The following SEMA3C variants were observed in gnomAD, a reference collection of about 807,000 sequenced individuals.
SEMA3C encodes semaphorin 3C.
SEMA3C carries 47 observed loss-of-function variants against 89.4 expected under a neutral mutation model. The observed-to-expected ratio is 0.53, with a 90% CI of 0.42 to 0.67. The LOEUF is 0.67. Among genes scored for constraint, SEMA3C ranks in the 30% least tolerant of loss-of-function variants. The pLI, the probability that SEMA3C is intolerant of heterozygous loss-of-function variation, is 0.00. For missense variants in SEMA3C, 839 were observed against 929.1 expected (o/e 0.90, Z 1.26); for synonymous variants, 310 against 320.2 (o/e 0.97, Z 0.34).
intron 11 of SEMA3C, 76 bp from the exon 12 acceptor site, chr7:80,789,604 T>C: frequency 1.9e-6 from 2 of 1,048,254 alleles, no homozygotes; most frequent in Non-Finnish European, 2.7e-6. Flanking sequence ...ACTCTCTACT[T>C]TTGAAATCAC....
chr7:80,768,876 G>T (rs750303696), intron 12 of SEMA3C, among the ~76,000 whole-genome samples: 127 of 152,248 alleles, frequency 8.3e-4, no homozygotes, highest in Non-Finnish European at 1.4e-3. Flanking sequence ...TTGTAGGCAT[G>T]AAGGAGAGAA....
At chr7:80,800,013 C>T (rs1332348452) in intron 10 of SEMA3C, among the ~76,000 whole-genome samples, 5 of 150,744 alleles carry the variant, frequency 3.3e-5, no homozygotes, top group Non-Finnish European at 7.4e-5. Context: ...ATTAGCCAGG[C>T]GTGGTGGCGG....
At chr7:80,834,134 T>C (rs759558080) in intron 2 of SEMA3C, among the ~76,000 whole-genome samples, 8 of 151,972 alleles carry the variant, frequency 5.3e-5, no homozygotes, top group Non-Finnish European at 1.0e-4. Flanking sequence ...TATTAGAAAA[T>C]GCAGTGGCTC....
chr7:80,756,913 T>C (rs1338024084), intron 15 of SEMA3C, among the ~76,000 whole-genome samples: 1 of 152,218 alleles, frequency 6.6e-6, no homozygotes, highest in Non-Finnish European at 1.5e-5. Flanking sequence ...TATTATTTGA[T>C]ATACCAGAGG....
intron 2 of SEMA3C, among the ~76,000 whole-genome samples, chr7:80,905,562 CT>C: frequency 6.6e-6 from 1 of 152,214 alleles, no homozygotes; most frequent in South Asian, 2.1e-4. Context: ...GGCCGGGAGA[CT>C]CCTGCAATAA....
intron 14 of SEMA3C, among the ~76,000 whole-genome samples, chr7:80,760,907 T>C (rs1019026612): frequency 2.0e-5 from 3 of 152,328 alleles, no homozygotes; most frequent in Middle Eastern, 6.8e-3. Flanking sequence ...CTCACTATAT[T>C]ACTCTGTACC....
At chr7:80,805,231 G>A (rs1176436399) in intron 7 of SEMA3C, among the ~76,000 whole-genome samples, 1 of 151,978 alleles carries the variant, frequency 6.6e-6, no homozygotes, top group Non-Finnish European at 1.5e-5. Context: ...TCTGTTCATT[G>A]CATCTCAATG....
At chr7:80,827,096 C>T (rs544101396) in intron 4 of SEMA3C, among the ~76,000 whole-genome samples, 1 of 152,238 alleles carries the variant, frequency 6.6e-6, no homozygotes, top group Admixed American at 6.5e-5. Context: ...GCTCCAGACA[C>T]TTGCATTATC....
In SEMA3C at chr7:80,765,238, C is replaced by A. The variant is rs1159933729; in HGVS notation, c.1360G>T (p.Gly454Cys). The change falls in exon 13 of 18, where the codon GGT becomes TGT. Residue 454 changes from glycine (G) to cysteine (C), a missense_variant. Transcript: ENST00000265361. Reference protein sequence around the residue: ...YHVLFLGTDRGTVQKVVVLPT... With the variant: ...YHVLFLGTDRCTVQKVVVLPT... Reference sequence around the variant, plus strand: ...AGAACAACCACTTTTTGCACAGTACCCCGATCTAAATTAAAAAAAGAAGAA... The same window carrying A: ...AGAACAACCACTTTTTGCACAGTACACCGATCTAAATTAAAAAAAGAAGAA... 1 of 1,609,340 alleles carries A rather than the reference C, an allele frequency of 6.2e-7. No individual in the cohort carries two copies. Among genetic ancestry groups the A allele is most frequent in the Non-Finnish European group, 8.5e-7 (1 of 1,177,184 alleles).
At chr7:80,898,994 T>C (rs1209495257) in intron 2 of SEMA3C, among the ~76,000 whole-genome samples, 1 of 152,200 alleles carries the variant, frequency 6.6e-6, no homozygotes, top group African/African-American at 2.4e-5. Context: ...AGTAATGCTA[T>C]TGTTGAATCC....
intron 2 of SEMA3C, among the ~76,000 whole-genome samples, chr7:80,839,113 C>G (rs1790205237): frequency 2.0e-5 from 3 of 152,108 alleles, no homozygotes; most frequent in Non-Finnish European, 4.4e-5. Context: ...TCTCAGATGT[C>G]ATGAGAGACT....
rs1228678103 is a variant in SEMA3C, at chr7:80,748,999, A to T, written c.1741T>A (p.Tyr581Asn). Reference sequence around the variant, plus strand: ...AAAGTGGTGTTATTTTTTACTCCATACTGGACAATTTCAGCTGCATTTCTG... The same window carrying T: ...AAAGTGGTGTTATTTTTTACTCCATTCTGGACAATTTCAGCTGCATTTCTG... ...AYRNAAEIVQ[Y>N]GVKNNTTFLE... The change falls in exon 17 of 18, where the codon TAT (tyrosine) becomes AAT (asparagine). Residue 581 changes from tyrosine to asparagine, a missense_variant. Physicochemically the swap from Tyr to Asn is moderately radical, Grantham distance 143. Coordinates refer to ENST00000265361, the MANE Select transcript of SEMA3C (RefSeq NM_006379.5). 6.2e-7 allele frequency: 1 copy of T among 1,611,642 alleles called. No individual in the cohort carries two copies. Among genetic ancestry groups the T allele is most frequent in the East Asian group, 2.2e-5 (1 of 44,844 alleles).
chr7:80,802,594 A>T, intron 9 of SEMA3C, 71 bp downstream of exon 9: 1 of 915,808 alleles, frequency 1.1e-6, no homozygotes, highest in Non-Finnish European at 1.7e-6. Context: ...TCTTCTTTTG[A>T]GACCTTATTT....
intron 12 of SEMA3C, among the ~76,000 whole-genome samples, chr7:80,767,350 T>G (rs2117064531): frequency 6.6e-6 from 1 of 152,276 alleles, no homozygotes; most frequent in East Asian, 1.9e-4. Context: ...TACTCATATG[T>G]CCCAATTACA....
At chr7:80,906,300 T>A (rs1190318046) in intron 2 of SEMA3C, among the ~76,000 whole-genome samples, 1 of 152,220 alleles carries the variant, frequency 6.6e-6, no homozygotes, top group Non-Finnish European at 1.5e-5. Flanking sequence ...TATGCTTTAC[T>A]ATCAAATATT....
At chr7:80,907,792 A>T (rs538430896) in intron 2 of SEMA3C, among the ~76,000 whole-genome samples, 1 of 152,086 alleles carries the variant, frequency 6.6e-6, no homozygotes, top group South Asian at 2.1e-4. Flanking sequence ...TTAAGTCATA[A>T]GGTTTTTCTT....
chr7:80,799,974 T>A (rs1392984729), intron 10 of SEMA3C, among the ~76,000 whole-genome samples: 1 of 151,290 alleles, frequency 6.6e-6, no homozygotes, highest in Non-Finnish European at 1.5e-5. Context: ...GAACATGGTG[T>A]AACCCCACCT....
chr7:80,836,594 C>A (rs958440445), intron 2 of SEMA3C, among the ~76,000 whole-genome samples: 1 of 152,142 alleles, frequency 6.6e-6, no homozygotes, highest in Non-Finnish European at 1.5e-5. Context: ...AGGAGAATTG[C>A]TTGAACCTGT....
chr7:80,805,496 A>C (rs1789317190), intron 7 of SEMA3C, 143 bp downstream of exon 7: 2 of 562,802 alleles, frequency 3.6e-6, no homozygotes, highest in African/African-American at 1.9e-5. Context: ...CGAATATTTT[A>C]AATCATAGGG....
Sources: allele counts gnomAD v4.1 joint callset (sites outside exome capture counted in the v4.1 genomes callset), GRCh38; gene constraint gnomAD v4.1.1; transcripts MANE v1.5; gene names NCBI Gene and HGNC (gene_info 2026-07-23, HGNC 2026-07-21).